The following BTAF1 variants were observed in gnomAD, a reference collection of about 807,000 sequenced individuals.
BTAF1 encodes the protein B-TFIID TATA-box binding protein associated factor 1, also known as TATA-binding protein-associated factor 172.
BTAF1 carries 38 observed loss-of-function variants against 227.1 expected under a neutral mutation model. The ratio of observed to expected loss-of-function variants is 0.17; its 90% CI spans 0.13 to 0.22. BTAF1 has a LOEUF of 0.22. Ranked by LOEUF, BTAF1 falls within the 10% of genes least tolerant of loss-of-function variation. The pLI is 1.00. For synonymous variants in BTAF1, 742 were observed against 751.9 expected, an observed-to-expected ratio of 0.99 and a Z score of 0.21; for missense variants, 1,598 against 2,204.0, an observed-to-expected ratio of 0.73 and a Z score of 5.51.
intron 2 of BTAF1, among the ~76,000 whole-genome samples, chr10:91,939,363 G>A (rs535191732): frequency 9.2e-5 from 14 of 152,260 alleles, no homozygotes; most frequent in Non-Finnish European, 1.9e-4. Context: ...GGGACTTAAT[G>A]AATAATATGT....
intron 20 of BTAF1, among the ~76,000 whole-genome samples, chr10:91,990,211 A>G (rs1231730825): frequency 1.3e-5 from 2 of 152,210 alleles, no homozygotes; most frequent in African/African-American, 4.8e-5. Flanking sequence ...TGGGAAAACA[A>G]ATTATTTGAA....
rs377353377 is a variant in BTAF1 at position 92,030,327 on chromosome 10, A to G, written c.*1394A>G. On this transcript the variant is annotated 3_prime_UTR_variant, in exon 38 of 38. Transcript: ENST00000265990. The stretch of plus-strand genomic sequence containing the variant: ...AAATATAAGATTGAAACTGTAAAAT[A>G]TATGCAACTGTGTGTTATTTGTAGG... 6.6e-6 allele frequency: 1 copy of G among 152,610 alleles called. No homozygotes were observed. The highest frequency in any genetic ancestry group is 2.1e-4 in the South Asian group (1 of 4,834). 9.5% of individuals were successfully genotyped at this position (152,610 alleles called of 1,614,324 possible).
rs1466156968 is a variant in BTAF1, at chr10:92,030,784, G to A, written c.*1851G>A. Among the ~76,000 whole-genome samples the A allele has an allele frequency of 6.6e-6, 1 of 152,166 alleles. No homozygotes were observed. Among genetic ancestry groups the A allele is most frequent in the Non-Finnish European group, 1.5e-5 (1 of 68,008 alleles). Reference sequence around the variant, plus strand: ...GAGTCAGAGCTGACAGGAAAACTTAGAGTGGCTATAACATTTTTAAAATAA... The same window carrying A: ...GAGTCAGAGCTGACAGGAAAACTTAAAGTGGCTATAACATTTTTAAAATAA... On this transcript the variant is annotated 3_prime_UTR_variant, in exon 38 of 38. Coordinates refer to ENST00000265990, the MANE Select transcript of BTAF1 (RefSeq NM_003972.3).
intron 12 of BTAF1, 49 bp downstream of exon 12, chr10:91,962,727 T>C (rs777010410): frequency 6.7e-7 from 1 of 1,493,662 alleles, no homozygotes; most frequent in Non-Finnish European, 9.0e-7. Context: ...TGTTTTCATT[T>C]GGGATATGGA....
At chr10:91,997,533 T>G in intron 24 of BTAF1, 70 bp from the exon 25 acceptor site, 1 of 1,370,796 alleles carries the variant, frequency 7.3e-7, no homozygotes, top group Non-Finnish European at 1.0e-6. Context: ...AGTTAAAATC[T>G]TGGTATCAGT....
rs180906180 is a variant in BTAF1, at chr10:91,997,338, G to C, written c.3512-265G>C. 5.3e-5 allele frequency among the ~76,000 whole-genome samples: 8 copies of C among 152,176 alleles called. No homozygotes were observed. The East Asian group carries it at 1.4e-3, about 26-fold the overall frequency. ...ATTTCTCTATGAAAAAAATCTTATT[G>C]GTAAAGCTTTCTCCAGCCTTCCTCA... is the stretch of plus-strand genomic sequence containing the variant. On this transcript the variant is annotated intron_variant, in intron 24 of 37. Transcript: ENST00000265990.
chr10:91,980,391 C>G, intron 14 of BTAF1, 63 bp from the exon 15 acceptor site: 1 of 1,200,960 alleles, frequency 8.3e-7, no homozygotes, highest in Non-Finnish European at 1.2e-6. Context: ...ACATATAATT[C>G]TTCAGGTAAG....
chr10:91,980,606 AT>A, intron 15 of BTAF1, 48 bp downstream of exon 15: 1 of 1,452,112 alleles, frequency 6.9e-7, no homozygotes, highest in African/African-American at 1.4e-5. Flanking sequence ...ACTTTTGTAG[AT>A]TTTTAAAATT....
chr10:91,973,229 TAGAC>T (rs71829289), intron 14 of BTAF1, among the ~76,000 whole-genome samples: 41,373 of 151,942 alleles, frequency 0.27, 6,844 homozygotes, highest in Non-Finnish European at 0.38. Context: ...ATCCCTTAAA[TAGAC>T]AGGATCTGAG....
intron 26 of BTAF1, 61 bp downstream of exon 26, chr10:92,008,336 T>TG: frequency 2.9e-5 from 40 of 1,396,652 alleles, no homozygotes; most frequent in African/African-American, 8.3e-5. Flanking sequence ...TGTGGGTTTG[T>TG]TGGGGGGGGC....
chr10:91,971,150 T>C (rs1008390917), intron 14 of BTAF1, among the ~76,000 whole-genome samples: 11 of 152,236 alleles, frequency 7.2e-5, no homozygotes. Flanking sequence ...TTGATTATGC[T>C]TTTAGCTTCT....
chr10:92,009,992 A>C (rs1850186922), intron 28 of BTAF1, among the ~76,000 whole-genome samples: 1 of 152,172 alleles, frequency 6.6e-6, no homozygotes, highest in Non-Finnish European at 1.5e-5. Flanking sequence ...TTGTTATTAA[A>C]ATTTTTAGTT....
At position 92,001,139 on chromosome 10, in the gene BTAF1, AGCT is replaced by A. The variant is rs1288948521; in HGVS notation, c.3660+3389_3660+3391del. On this transcript the variant is annotated intron_variant, in intron 25 of 37. Transcript: ENST00000265990. ...AGAAACGAAACAAATGAAGTGCCCT[AGCT>A]TATTGTCTGGAGGCATAGCACAGAG... Among the ~76,000 whole-genome samples, 6 of 152,344 alleles carry A rather than the reference AGCT, an allele frequency of 3.9e-5. No individual in the cohort carries two copies. In the East Asian group the frequency reaches 9.6e-4, roughly 24 times the overall value.
chr10:91,950,216 G>C (rs1589787103), intron 4 of BTAF1, among the ~76,000 whole-genome samples: 1 of 151,508 alleles, frequency 6.6e-6, no homozygotes. Flanking sequence ...TCATGTACTG[G>C]CTCTATCTTC....
intron 20 of BTAF1, among the ~76,000 whole-genome samples, chr10:91,991,411 C>T (rs1848747008): frequency 1.3e-5 from 2 of 149,570 alleles, no homozygotes; most frequent in East Asian, 2.0e-4. Context: ...CACCACTGCA[C>T]CCCAGCCTAG....
chr10:91,947,735 C>A (rs1218332884), intron 4 of BTAF1, among the ~76,000 whole-genome samples: 856 of 107,248 alleles, frequency 8.0e-3, no homozygotes, highest in African/African-American at 0.014. Context: ...TCAATGTTTG[C>A]AAAAAAAAAA....
intron 18 of BTAF1, among the ~76,000 whole-genome samples, chr10:91,983,516 T>C (rs1261478629): frequency 2.0e-5 from 3 of 152,204 alleles, no homozygotes; most frequent in Admixed American, 6.5e-5. Context: ...CTCATCTGTT[T>C]TTAGGCAGGA....
intron 37 of BTAF1, 120 bp downstream of exon 37, chr10:92,027,420 G>A: frequency 2.2e-6 from 2 of 907,812 alleles, no homozygotes; most frequent in South Asian, 2.1e-5. Context: ...ATCACCACTG[G>A]AGGGAATTTT....
In BTAF1 at chr10:91,962,522, A is replaced by C. The variant is rs772670297; in HGVS notation, c.1264-16A>C. On this transcript the variant is annotated splice_polypyrimidine_tract_variant and intron_variant, in intron 11 of 37. Transcript: ENST00000265990. Reference sequence around the variant, plus strand: ...TAGAATAGAAAATTAATTTATTTTCATGTACTGTTTTACAGGATGTAATTA... The same window carrying C: ...TAGAATAGAAAATTAATTTATTTTCCTGTACTGTTTTACAGGATGTAATTA... 56 of 1,481,988 alleles carry C rather than the reference A, an allele frequency of 3.8e-5. No individual in the cohort carries two copies. The highest frequency in any genetic ancestry group is 4.7e-5 in the Non-Finnish European group (51 of 1,086,864). The allele number at this position is 1,481,988 out of a possible 1,614,324, so 91.8% of individuals were successfully genotyped here. A position where few individuals can be genotyped will look rare whatever the true frequency, so the allele number is the denominator to read the frequency against.
Sources: allele counts gnomAD v4.1 joint callset (sites outside exome capture counted in the v4.1 genomes callset), GRCh38; gene constraint gnomAD v4.1.1; transcripts MANE v1.5; gene names NCBI Gene and HGNC (gene_info 2026-07-23, HGNC 2026-07-21).